The following ZNF569 variants were observed in gnomAD, a reference collection of about 807,000 sequenced individuals.
The protein encoded by ZNF569 is DNA-binding protein.
ZNF569 carries 38 observed loss-of-function variants against 56.3 expected under a neutral mutation model. The ratio of observed to expected loss-of-function variants is 0.68; its 90% CI spans 0.52 to 0.88. ZNF569 has a LOEUF of 0.88. Among genes scored for constraint, ZNF569 ranks in the 40% least tolerant of loss-of-function variants. ZNF569 has a pLI of 0.00. For synonymous variants in ZNF569, 241 were observed against 262.9 expected (o/e 0.92, Z 0.81); for missense variants, 666 against 809.2 (o/e 0.82, Z 2.15).
At chr19:37,421,795 G>A (rs2146877044) in intron 5 of ZNF569, among the ~76,000 whole-genome samples, 1 of 141,252 alleles carries the variant, frequency 7.1e-6, no homozygotes, top group South Asian at 2.2e-4. Context: ...TGTCACCTAG[G>A]CTGGGATGCA....
intron 3 of ZNF569, among the ~76,000 whole-genome samples, chr19:37,437,982 T>C (rs2041341011): frequency 2.5e-5 from 3 of 120,814 alleles, no homozygotes; most frequent in Non-Finnish European, 4.2e-5. Flanking sequence ...CTAAAATTTA[T>C]ATGCAACCAC....
intron 5 of ZNF569, among the ~76,000 whole-genome samples, chr19:37,419,095 C>G (rs1434362045): frequency 6.6e-6 from 1 of 152,056 alleles, no homozygotes; most frequent in Non-Finnish European, 1.5e-5. Flanking sequence ...ATATTTATGT[C>G]TTGAAAAGTG....
intron 1 of ZNF569, among the ~76,000 whole-genome samples, chr19:37,466,394 A>C (rs6508725): frequency 0.64 from 97,026 of 151,626 alleles, 32,660 homozygotes; most frequent in African/African-American, 0.86. Context: ...CTTTGGGAGA[A>C]CGAGGCGGGT....
intron 3 of ZNF569, among the ~76,000 whole-genome samples, chr19:37,442,466 G>A (rs1392954003): frequency 6.6e-6 from 1 of 152,182 alleles, no homozygotes; most frequent in East Asian, 1.9e-4. Flanking sequence ...GAAGACATGG[G>A]CAGAAGGCAT....
chr19:37,467,476 C>A, upstream of ZNF569: 1 of 193,692 alleles, frequency 5.2e-6, no homozygotes, highest in Non-Finnish European at 9.7e-6. Flanking sequence ...GCCTTCGCGG[C>A]CCTACTTCCC....
At chr19:37,452,147 A>G (rs544341833) in intron 2 of ZNF569, among the ~76,000 whole-genome samples, 2 of 152,308 alleles carry the variant, frequency 1.3e-5, no homozygotes, top group East Asian at 1.9e-4. Flanking sequence ...GTAACAGTCT[A>G]TTTTGAGCTG....
chr19:37,469,198 A>G, upstream of ZNF569: 1 of 1,264,106 alleles, frequency 7.9e-7, no homozygotes, highest in Non-Finnish European at 1.0e-6. Context: ...CCTGGTGGGG[A>G]GGAGGCCGTG....
intron 1 of ZNF569, 84 bp downstream of exon 1, chr19:37,467,000 T>TTGGGGCACCAGGACCG (rs1362791515): frequency 6.6e-6 from 1 of 152,588 alleles, no homozygotes; most frequent in African/African-American, 2.4e-5. Flanking sequence ...CCTCCAAAGA[T>TTGGGGCACCAGGACCG]TGGGGCACCA....
At chr19:37,430,350 C>T (rs1382283222) in intron 3 of ZNF569, among the ~76,000 whole-genome samples, 1 of 151,996 alleles carries the variant, frequency 6.6e-6, no homozygotes, top group African/African-American at 2.4e-5. Flanking sequence ...TGATGAAAAA[C>T]ATTAATGTAC....
chr19:37,437,784 G>A (rs2146922815), intron 3 of ZNF569, among the ~76,000 whole-genome samples: 1 of 152,014 alleles, frequency 6.6e-6, no homozygotes, highest in South Asian at 2.1e-4. Context: ...TCTCTACAAT[G>A]AAAATTATAA....
intron 2 of ZNF569, among the ~76,000 whole-genome samples, chr19:37,461,393 G>A (rs2146976738): frequency 6.7e-6 from 1 of 149,166 alleles, no homozygotes. Flanking sequence ...TGCAACTTCC[G>A]CCTCCTGGGT....
Position 37,426,477 on chromosome 19 carries a change from A to G in ZNF569, c.16-99T>C, listed in dbSNP as rs543785057. ...GTTCTGATATTAATCAGAGGTTATT[A>G]AAAAAGCCCATCATATTAGCAGCAT... is the stretch of plus-strand genomic sequence containing the variant. On this transcript the variant is annotated intron_variant, in intron 3 of 5. Coordinates refer to ENST00000316950, the MANE Select transcript of ZNF569 (RefSeq NM_152484.3). 5.5e-4 allele frequency: 713 copies of G among 1,296,560 alleles called. 1 individual carries two copies. Among genetic ancestry groups the G allele is most frequent in the Non-Finnish European group, 7.0e-4 (687 of 985,082 alleles). The allele number at this position is 1,296,560 out of a possible 1,614,324, so 80.3% of individuals were successfully genotyped here.
At chr19:37,431,996 T>G (rs1305826476) in intron 3 of ZNF569, among the ~76,000 whole-genome samples, 4 of 152,094 alleles carry the variant, frequency 2.6e-5, no homozygotes, top group Non-Finnish European at 5.9e-5. Flanking sequence ...GTGGCTTGGG[T>G]GCCAGTCCAG....
rs1395094713 is a variant in ZNF569 at position 37,437,031 on chromosome 19, AAG to A, written c.15+7874_15+7875del. Among the ~76,000 whole-genome samples the A allele has an allele frequency of 9.2e-5, 14 of 151,818 alleles. 1 individual carries two copies. Among genetic ancestry groups the A allele is most frequent in the Non-Finnish European group, 1.9e-4 (13 of 67,862 alleles). On this transcript the variant is annotated intron_variant, in intron 3 of 5. Transcript: ENST00000316950. ...AAGACACATCAAAAAAAAAAAAAAA[AAG>A]AAAGCTACAGGCCAATATCCTTGCT...
At chr19:37,464,599 G>GTA (rs1164495514) in intron 2 of ZNF569, among the ~76,000 whole-genome samples, 1 of 152,166 alleles carries the variant, frequency 6.6e-6, no homozygotes, top group African/African-American at 2.4e-5. Flanking sequence ...GTAACATGCT[G>GTA]TACAGGTTTG....
At chr19:37,425,847 G>C in intron 5 of ZNF569, 21 bp downstream of exon 5, 1 of 1,589,574 alleles carries the variant, frequency 6.3e-7, no homozygotes, top group South Asian at 1.1e-5. Context: ...CTCCTCACCT[G>C]TCTGGTTCCC....
chr19:37,415,123 C>G (rs1377262605), intron 5 of ZNF569, among the ~76,000 whole-genome samples: 1 of 151,876 alleles, frequency 6.6e-6, no homozygotes, highest in African/African-American at 2.4e-5. Context: ...TTTATGAAAA[C>G]CATTGTAAAA....
At chr19:37,458,241 T>G (rs1463931677) in intron 2 of ZNF569, among the ~76,000 whole-genome samples, 2 of 152,238 alleles carry the variant, frequency 1.3e-5, no homozygotes, top group Non-Finnish European at 1.5e-5. Flanking sequence ...GGGGTACATG[T>G]GCTTGTTTGT....
chr19:37,424,329 C>T (rs570476913), intron 5 of ZNF569, among the ~76,000 whole-genome samples: 10 of 151,946 alleles, frequency 6.6e-5, no homozygotes, highest in Middle Eastern at 3.4e-3. Flanking sequence ...ATGGTACTCC[C>T]GAAGATGCTA....
Sources: gnomAD v4.1 joint callset for allele counts (sites outside exome capture counted in the v4.1 genomes callset) on GRCh38, gnomAD v4.1.1 for gene constraint, MANE v1.5 for transcripts, NCBI Gene and HGNC (gene_info 2026-07-23, HGNC 2026-07-21) for gene names.